MVD: variants seen among roughly 807,000 people sequenced by gnomAD.
The protein encoded by MVD is diphosphomevalonate decarboxylase.
A neutral mutation model predicts 42.4 loss-of-function variants in MVD; 52 were observed. That is an observed-to-expected ratio of 1.23 (90% confidence interval 0.98 to 1.55). MVD has a LOEUF of 1.55. Among genes scored for constraint, MVD ranks in the 40% most tolerant of loss-of-function variants. The probability of loss-of-function intolerance (pLI) is 0.00; values close to 1 mark genes in which losing one functional copy is unlikely to be tolerated. For missense variants in MVD, 663 were observed against 572.1 expected, an observed-to-expected ratio of 1.16 and a Z score of -1.62; for synonymous variants, 287 against 243.2, an observed-to-expected ratio of 1.18 and a Z score of -1.68.
At chr16:88,661,726 G>A (rs539300079) in intron 1 of MVD, among the ~76,000 whole-genome samples, 3 of 152,022 alleles carry the variant, frequency 2.0e-5, no homozygotes, top group Admixed American at 1.3e-4. Flanking sequence ...CTACCAGGAC[G>A]CGGCTAAAAT....
intron 5 of MVD, 159 bp downstream of exon 5, chr16:88,655,946 G>C: frequency 8.5e-7 from 1 of 1,181,932 alleles, no homozygotes; most frequent in South Asian, 1.5e-5. Context: ...CATGGGAGCG[G>C]TTCCTGAGCA....
At chr16:88,659,550 G>C (rs1274946587) in intron 1 of MVD, among the ~76,000 whole-genome samples, 3 of 152,212 alleles carry the variant, frequency 2.0e-5, no homozygotes, top group African/African-American at 7.2e-5. Context: ...CTGTGGGACA[G>C]TGCAGGGGGA....
intron 5 of MVD, 32 bp from the exon 6 acceptor site, chr16:88,655,762 C>A: frequency 6.5e-7 from 1 of 1,547,930 alleles, no homozygotes; most frequent in African/African-American, 1.4e-5. Context: ...TGGGCCACAC[C>A]CTGCAGGGGG....
intron 8 of MVD, 54 bp from the exon 9 acceptor site, chr16:88,653,462 C>G: frequency 7.2e-7 from 1 of 1,395,802 alleles, no homozygotes; most frequent in Non-Finnish European, 9.8e-7. Flanking sequence ...TAAGCGTCTA[C>G]AACAGTCTAC....
At position 88,655,915 on chromosome 16, in the gene MVD, A is replaced by T. The variant is rs376430729; in HGVS notation, c.604-185T>A. 9.1e-5 allele frequency: 100 copies of T among 1,099,240 alleles called. No individual in the cohort carries two copies. In the African/African-American group the frequency reaches 1.4e-3, roughly 16 times the overall value. The allele number at this position is 1,099,240 out of a possible 1,614,324, so 68.1% of individuals were successfully genotyped here. On this transcript the variant is annotated intron_variant, in intron 5 of 9. Transcript: ENST00000301012. Reference sequence around the variant, plus strand: ...GACGCAGGGGCAACTTCCAGATCCCAGCGGGTGGTGGCGCCCGCCGCATGG... The same window carrying T: ...GACGCAGGGGCAACTTCCAGATCCCTGCGGGTGGTGGCGCCCGCCGCATGG...
At chr16:88,655,098 G>A in intron 7 of MVD, 101 bp downstream of exon 7, 23 of 1,339,078 alleles carry the variant, frequency 1.7e-5, no homozygotes, top group Non-Finnish European at 2.4e-5. Context: ...TTCAGACACA[G>A]ATTGCCCTGC....
intron 1 of MVD, among the ~76,000 whole-genome samples, chr16:88,662,423 G>A (rs183885200): frequency 5.6e-4 from 86 of 152,390 alleles, no homozygotes; most frequent in East Asian, 3.3e-3. Flanking sequence ...TGAGTGGTCA[G>A]TGGCGGCCAG....
At chr16:88,653,961 C>T (rs1907743700) in intron 8 of MVD, among the ~76,000 whole-genome samples, 1 of 152,138 alleles carries the variant, frequency 6.6e-6, no homozygotes. Context: ...GACAGACGCA[C>T]ATCCCCACAC....
rs371091142 is a variant in MVD at position 88,655,405 on chromosome 16, A to C, written c.691T>G (p.Ser231Ala). 7.7e-5 allele frequency: 122 copies of C among 1,577,466 alleles called. No homozygotes were observed. The highest frequency in any genetic ancestry group is 9.2e-5 in the Non-Finnish European group (107 of 1,165,336). The change falls in exon 7 of 10, where the codon TCC becomes GCC. Residue 231 changes from serine to alanine, a missense_variant. Coordinates refer to ENST00000301012, the MANE Select transcript of MVD (RefSeq NM_002461.3). ...TSPLLRFRAE[S>A]VVPARMAEMA... Reference sequence around the variant, plus strand: ...TCCGCCATGCGCGCGGGCACCACGGACTCGGCCCGGAACTGCAAGGCACAG... The same window carrying C: ...TCCGCCATGCGCGCGGGCACCACGGCCTCGGCCCGGAACTGCAAGGCACAG...
rs1479794566 is a variant in MVD, at chr16:88,653,423, C to A, written c.1014-15G>T. 6.3e-7 allele frequency: 1 copy of A among 1,598,504 alleles called. No individual in the cohort carries two copies. The highest frequency in any genetic ancestry group is 8.5e-7 in the Non-Finnish European group (1 of 1,172,914). On this transcript the variant is annotated splice_polypyrimidine_tract_variant and intron_variant, in intron 8 of 9. Coordinates refer to ENST00000301012, the MANE Select transcript of MVD (RefSeq NM_002461.3). ...CCTTCAGAAACCTGGAAAAGCAGGG[C>A]AGGGGCACGGTGAATGCATCCGTTT...
chr16:88,659,839 C>T (rs1329330729), intron 1 of MVD, among the ~76,000 whole-genome samples: 1 of 151,972 alleles, frequency 6.6e-6, no homozygotes, highest in Non-Finnish European at 1.5e-5. Context: ...TAGTGACGCA[C>T]GCCTGTTATC....
chr16:88,652,377 C>T lies in MVD; in HGVS notation c.*148G>A. The T allele has an allele frequency of 1.2e-6, 1 of 864,496 alleles. No homozygotes were observed. The highest frequency in any genetic ancestry group is 1.9e-6 in the Non-Finnish European group (1 of 536,890). The allele number at this position is 864,496 out of a possible 1,614,324, so 53.6% of individuals were successfully genotyped here. A position where few individuals can be genotyped will look rare whatever the true frequency, so the allele number is the denominator to read the frequency against. ...GACACCTGGGCGGCCGCAGGACTCC[C>T]TGCACTGCCCCACAGCAAGCTGCCC... On this transcript the variant is annotated 3_prime_UTR_variant, in exon 10 of 10. Coordinates refer to ENST00000301012, the MANE Select transcript of MVD (RefSeq NM_002461.3).
At position 88,656,200 on chromosome 16, in the gene MVD, A is replaced by T; in HGVS notation, c.508T>A (p.Trp170Arg). 6.2e-7 allele frequency: 1 copy of T among 1,600,240 alleles called. No individual in the cohort carries two copies. Among genetic ancestry groups the T allele is most frequent in the Admixed American group, 1.7e-5 (1 of 59,926 alleles). The part of the protein sequence containing the change: ...CRSLYGGFVE[W>R]QMGEQADGKD... ...CCGTCGGCCTGCTCTCCCATCTGCC[A>T]CTCCACAAAGCCCCCATACAGGCTC... The change falls in exon 5 of 10, where the codon TGG (tryptophan) becomes AGG (arginine). Residue 170 changes from tryptophan (W) to arginine (R), a missense_variant. By Grantham distance (101) the Trp-to-Arg change is moderately radical (BLOSUM62 -3). Coordinates refer to ENST00000301012, the MANE Select transcript of MVD (RefSeq NM_002461.3).
In MVD at chr16:88,656,174, C is replaced by G; in HGVS notation, c.534G>C (p.Gly178=). 6.2e-7 allele frequency: 1 copy of G among 1,602,080 alleles called. No individual in the cohort carries two copies. Among genetic ancestry groups the G allele is most frequent in the Non-Finnish European group, 8.5e-7 (1 of 1,179,920 alleles). The change falls in exon 5 of 10, where the codon GGG becomes GGC. Residue 178 remains glycine (G), a synonymous_variant. Transcript: ENST00000301012. ...CCACTTGCCGAGCGATGCTGTCCTT[C>G]CCGTCGGCCTGCTCTCCCATCTGCC... ...VEWQMGEQAD[G]KDSIARQVAP... is the part of the protein sequence containing the mutation.
chr16:88,655,723 G>A lies in MVD; in HGVS notation c.611C>T (p.Ala204Val), dbSNP rs781364427. 3.2e-6 allele frequency: 5 copies of A among 1,556,830 alleles called. No individual in the cohort carries two copies. In the Admixed American group the frequency reaches 9.5e-5, roughly 30 times the overall value. ...GGTACTGCCTGTCAGCTTCTTCTCA[G>A]CGCTCACCTGCACGAGGGAGAGACA... ...ELRVLILVVS[A>V]EKKLTGSTVG... Residue 204 changes from alanine to valine, a missense_variant, in exon 6 of 10, where the codon GCT becomes GTT. Physicochemically the swap from Ala to Val is moderately conservative, Grantham distance 64. Transcript: ENST00000301012.
At chr16:88,657,768 C>T in intron 3 of MVD, 147 bp downstream of exon 3, 1 of 1,238,108 alleles carries the variant, frequency 8.1e-7, no homozygotes, top group Non-Finnish European at 1.1e-6. Context: ...TGGGCCACTG[C>T]CCTGGAGCTG....
intron 4 of MVD, chr16:88,656,851 G>A (rs958740825): frequency 1.8e-4 from 45 of 246,046 alleles, no homozygotes; most frequent in Admixed American, 6.2e-4. Context: ...GCCAGGAAGC[G>A]TCACCCCTGG....
chr16:88,657,861 G>A (rs748975666), intron 3 of MVD, 54 bp downstream of exon 3: 3 of 1,559,214 alleles, frequency 1.9e-6, no homozygotes, highest in Non-Finnish European at 1.8e-6. Flanking sequence ...CTTTCTGGAT[G>A]CTCGGACCCT....
At chr16:88,653,461 A>G in intron 8 of MVD, 53 bp from the exon 9 acceptor site, 2 of 1,392,234 alleles carry the variant, frequency 1.4e-6, no homozygotes, top group South Asian at 2.6e-5. Flanking sequence ...CTAAGCGTCT[A>G]CAACAGTCTA....
Sources: gnomAD v4.1 joint callset for allele counts (sites outside exome capture counted in the v4.1 genomes callset) on GRCh38, gnomAD v4.1.1 for gene constraint, MANE v1.5 for transcripts, NCBI Gene and HGNC (gene_info 2026-07-23, HGNC 2026-07-21) for gene names.